Variants in CMIP observed in about 807,000 individuals in gnomAD.
CMIP encodes c-Maf inducing protein, also known as C-Maf-inducing protein.
CMIP carries 13 observed loss-of-function variants against 97.3 expected under a neutral mutation model. That is an observed-to-expected ratio of 0.13 (90% CI 0.09 to 0.21). CMIP has a LOEUF of 0.21. Ranked by LOEUF, CMIP falls within the 10% of genes least tolerant of loss-of-function variation. The pLI is 1.00. For missense variants in CMIP, 847 were observed against 1,024.9 expected (o/e 0.83, Z 2.37); for synonymous variants, 538 against 436.3 (o/e 1.23, Z -2.91).
intron 1 of CMIP, among the ~76,000 whole-genome samples, chr16:81,554,746 C>A (rs576307225): frequency 6.6e-6 from 1 of 152,266 alleles, no homozygotes; most frequent in East Asian, 1.9e-4. Context: ...GGCCTCAGTT[C>A]TTTGTCTGTA....
chr16:81,514,706 TG>T (rs1386111309), intron 1 of CMIP, among the ~76,000 whole-genome samples: 2 of 152,112 alleles, frequency 1.3e-5, no homozygotes, highest in Non-Finnish European at 2.9e-5. Context: ...CCCGTGGGTT[TG>T]TTTCCAGACT....
intron 3 of CMIP, among the ~76,000 whole-genome samples, chr16:81,623,011 T>A (rs2092013252): frequency 6.6e-6 from 1 of 152,222 alleles, no homozygotes; most frequent in Non-Finnish European, 1.5e-5. Context: ...AAGACCAGCC[T>A]GGGCAGCATG....
chr16:81,565,392 C>T (rs1264969554), intron 1 of CMIP, among the ~76,000 whole-genome samples: 9 of 152,166 alleles, frequency 5.9e-5, no homozygotes, highest in Admixed American at 5.2e-4. Context: ...GGGGCCAGAG[C>T]CTGCGGCACC....
At chr16:81,581,186 C>T (rs1460952524) in intron 1 of CMIP, among the ~76,000 whole-genome samples, 4 of 152,116 alleles carry the variant, frequency 2.6e-5, no homozygotes, top group East Asian at 1.9e-4. Context: ...TGTTGATGGA[C>T]GTTTGTGTTG....
chr16:81,704,698 C>T (rs1290639464), intron 18 of CMIP, among the ~76,000 whole-genome samples: 2 of 89,844 alleles, frequency 2.2e-5, no homozygotes, highest in African/African-American at 8.9e-5. Flanking sequence ...TCCCTGCCCC[C>T]GTCACCCTCC....
chr16:81,696,691 G>T (rs754548412), intron 14 of CMIP, 24 bp downstream of exon 14: 1 of 1,595,668 alleles, frequency 6.3e-7, no homozygotes, highest in Non-Finnish European at 8.5e-7. Context: ...CCCCAGTGGG[G>T]TGACTTCCAG....
chr16:81,707,184 A>G (rs1908245939), intron 20 of CMIP, 100 bp downstream of exon 20: 3 of 936,376 alleles, frequency 3.2e-6, no homozygotes, highest in Admixed American at 1.8e-5. Flanking sequence ...CCAGTAAAGG[A>G]TGATGACATC....
intron 2 of CMIP, among the ~76,000 whole-genome samples, chr16:81,611,074 A>G (rs939704783): frequency 3.9e-5 from 6 of 152,218 alleles, no homozygotes; most frequent in African/African-American, 1.4e-4. Flanking sequence ...AGCCACCAGC[A>G]GCCACGCATG....
In CMIP at chr16:81,452,713, A is replaced by G. The variant is rs983206384; in HGVS notation, c.300+7172A>G. Among the ~76,000 whole-genome samples, 10 of 152,248 alleles carry G rather than the reference A, an allele frequency of 6.6e-5. No individual in the cohort carries two copies. The East Asian group carries it at 1.4e-3, about 21-fold the overall frequency. On this transcript the variant is annotated intron_variant, in intron 1 of 20. Transcript: ENST00000537098. ...GTGGCTTGCACCTGGTACATGTTCT[A>G]TGATTGTCAGTTTCCTTCCTCCTGC...
chr16:81,603,516 G>A (rs988445799), intron 1 of CMIP: 29 of 448,654 alleles, frequency 6.5e-5, no homozygotes, highest in South Asian at 2.3e-4. Context: ...TGTGGGCTGC[G>A]TTTGTCACAA....
chr16:81,492,518 G>C (rs1446639565), intron 1 of CMIP, among the ~76,000 whole-genome samples: 1 of 152,142 alleles, frequency 6.6e-6, no homozygotes, highest in East Asian at 1.9e-4. Context: ...AGCAGGGAGG[G>C]GTTTCAGTGG....
At chr16:81,574,038 C>G (rs1311093285) in intron 1 of CMIP, among the ~76,000 whole-genome samples, 1 of 152,202 alleles carries the variant, frequency 6.6e-6, no homozygotes, top group Non-Finnish European at 1.5e-5. Flanking sequence ...TCACTAGCCA[C>G]GTGTGCCTGT....
intron 1 of CMIP, among the ~76,000 whole-genome samples, chr16:81,491,712 G>C (rs2089408827): frequency 1.3e-5 from 2 of 152,172 alleles, no homozygotes; most frequent in East Asian, 1.9e-4. Context: ...CGTGGATCTG[G>C]ATCATTTGGC....
Position 81,611,768 on chromosome 16 carries a change from C to G in CMIP, c.426+4076C>G, listed in dbSNP as rs530498336. On this transcript the variant is annotated intron_variant, in intron 2 of 20. Transcript: ENST00000537098. ...GTCTTCTAAGGAGCTCTTTGTAAAA[C>G]TCTTACTTTGTTAGAATTTGAATCA... Among the ~76,000 whole-genome samples the G allele has an allele frequency of 1.2e-4, 18 of 152,318 alleles. No individual in the cohort carries two copies. The South Asian group carries it at 3.7e-3, about 32-fold the overall frequency.
At chr16:81,470,989 T>A (rs1907494529) in intron 1 of CMIP, among the ~76,000 whole-genome samples, 1 of 151,560 alleles carries the variant, frequency 6.6e-6, no homozygotes, top group Non-Finnish European at 1.5e-5. Flanking sequence ...CAAACGTGCA[T>A]ACACACATGC....
chr16:81,631,447 T>G (rs4265801), intron 3 of CMIP: 68,580 of 152,126 alleles, frequency 0.45, 16,171 homozygotes, highest in Non-Finnish European at 0.53. Flanking sequence ...CATTGAAGGA[T>G]AAAATACATC....
intron 1 of CMIP, among the ~76,000 whole-genome samples, chr16:81,500,661 G>A (rs2089592795): frequency 6.6e-6 from 1 of 151,754 alleles, no homozygotes; most frequent in African/African-American, 2.4e-5. Flanking sequence ...GCTAATTTTT[G>A]TATTTTTAGT....
At position 81,508,998 on chromosome 16, in the gene CMIP, A is replaced by G. The variant is rs181053211; in HGVS notation, c.300+63457A>G. Among the ~76,000 whole-genome samples the G allele has an allele frequency of 1.9e-3, 287 of 152,334 alleles. 3 individuals are homozygous for G. The highest frequency in any genetic ancestry group is 0.013 in the Admixed American group (206 of 15,310). ...CTCCAGGAATGAACTCTTGAATACA[A>G]TTCAGGTTCCCTTTCCCTTAGCCTT... is the stretch of plus-strand genomic sequence containing the variant. On this transcript the variant is annotated intron_variant, in intron 1 of 20. Coordinates refer to ENST00000537098, the MANE Select transcript of CMIP (RefSeq NM_198390.3).
At chr16:81,485,196 T>TC (rs2089296801) in intron 1 of CMIP, among the ~76,000 whole-genome samples, 1 of 152,210 alleles carries the variant, frequency 6.6e-6, no homozygotes, top group African/African-American at 2.4e-5. Flanking sequence ...TAAGCTACTT[T>TC]CCTGTTGATG....
Sources: gnomAD v4.1 joint callset for allele counts (sites outside exome capture counted in the v4.1 genomes callset) on GRCh38, gnomAD v4.1.1 for gene constraint, MANE v1.5 for transcripts, NCBI Gene and HGNC (gene_info 2026-07-23, HGNC 2026-07-21) for gene names.